FSIP2: variants seen among roughly 807,000 people sequenced by gnomAD.
The protein encoded by FSIP2 is fibrous sheath-interacting protein 2.
A neutral mutation model predicts 510.5 loss-of-function variants in FSIP2; 367 were observed. The observed-to-expected ratio is 0.72, with a 90% CI of 0.66 to 0.78. The LOEUF (loss-of-function observed/expected upper bound fraction) is 0.78. Among genes scored for constraint, FSIP2 ranks in the 30% least tolerant of loss-of-function variants. The pLI is 0.00. For missense variants in FSIP2, 7,594 were observed against 7,901.7 expected, an observed-to-expected ratio of 0.96 and a Z score of 1.48; for synonymous variants, 2,601 against 2,732.2, an observed-to-expected ratio of 0.95 and a Z score of 1.50.
rs1269420479 is a variant in FSIP2, at chr2:185,833,210, A to G, written c.20708A>G (p.His6903Arg). The G allele has an allele frequency of 6.2e-7, 1 of 1,607,862 alleles. No individual in the cohort carries two copies. Among genetic ancestry groups the G allele is most frequent in the Admixed American group, 1.7e-5 (1 of 59,362 alleles). ...TNISRSSSPA[H>R]QDEH ...ATTTCCAGATCTTCCTCACCAGCTC[A>G]CCAGGATGAACACTGAAGCTTTTGT... The change falls in exon 23 of 23, where the codon CAC (histidine) becomes CGC (arginine). Residue 6903 changes from histidine (H) to arginine (R), a missense_variant. Transcript: ENST00000424728.
rs1379895332 is a variant in FSIP2 at position 185,806,726 on chromosome 2, A to C, written c.17420A>C (p.Gln5807Pro). The change falls in exon 17 of 23, where the codon CAA (glutamine) becomes CCA (proline). Residue 5807 changes from glutamine (Q) to proline (P), a missense_variant. Coordinates refer to ENST00000424728, the MANE Select transcript of FSIP2 (RefSeq NM_173651.4). ...QLIFSSIPET[Q>P]IQDRCQNVSD... ...ATCTTTTCTTCTATACCAGAAACAC[A>C]AATACAAGATAGATGTCAAAATGTT... is the stretch of plus-strand genomic sequence containing the variant. The C allele has an allele frequency of 8.1e-6, 13 of 1,610,086 alleles. No homozygotes were observed. Among genetic ancestry groups the C allele is most frequent in the Non-Finnish European group, 1.1e-5 (13 of 1,178,230 alleles).
Position 185,804,432 on chromosome 2 carries a change from A to G in FSIP2, c.15126A>G (p.Ile5042Met), listed in dbSNP as rs1693512554. 6.6e-7 allele frequency: 1 copy of G among 1,512,946 alleles called. No homozygotes were observed. Among genetic ancestry groups the G allele is most frequent in the Non-Finnish European group, 8.8e-7 (1 of 1,132,660 alleles). 93.7% of individuals were successfully genotyped at this position (1,512,946 alleles called of 1,614,324 possible). Reference protein sequence around the residue: ...VLDQYKSLIQIHRVIQSDTIC... With the variant: ...VLDQYKSLIQMHRVIQSDTIC... ...ATCAATATAAATCTCTGATTCAAAT[A>G]CATAGGGTTATACAAAGTGACACAA... Residue 5042 changes from isoleucine (I) to methionine (M), a missense_variant, in exon 17 of 23, where the codon ATA becomes ATG. Transcript: ENST00000424728.
intron 13 of FSIP2, among the ~76,000 whole-genome samples, chr2:185,779,769 G>A (rs1692803065): frequency 1.3e-5 from 2 of 151,610 alleles, no homozygotes; most frequent in African/African-American, 2.4e-5. Flanking sequence ...ATACTTCTTG[G>A]GATTATTGCC....
In FSIP2 at chr2:185,792,028, A is replaced by G. The variant is rs1693143004; in HGVS notation, c.4892A>G (p.His1631Arg). ...AGCACCAATATTTCCAGAGACACAC[A>G]TGAAGCATCATTTCTGTCTGCTTTA... ...YESTNISRDT[H>R]EASFLSALYM... The change falls in exon 16 of 23, where the codon CAT becomes CGT. Residue 1631 changes from histidine (H) to arginine (R), a missense_variant. By Grantham distance (29) the His-to-Arg change is conservative (BLOSUM62 0). Coordinates refer to ENST00000424728, the MANE Select transcript of FSIP2 (RefSeq NM_173651.4). The G allele has an allele frequency of 2.0e-6, 3 of 1,533,984 alleles. No individual in the cohort carries two copies. The highest frequency in any genetic ancestry group is 2.6e-6 in the Non-Finnish European group (3 of 1,145,434).
intron 18 of FSIP2, 152 bp from the exon 19 acceptor site, chr2:185,815,219 T>G: frequency 2.1e-6 from 1 of 476,716 alleles, no homozygotes; most frequent in Non-Finnish European, 3.8e-6. Flanking sequence ...AAGACACCTT[T>G]TAATTAGAAT....
rs1420707549 is a variant in FSIP2 at position 185,833,097 on chromosome 2, C to T, written c.20595C>T (p.Pro6865=). 3.1e-6 allele frequency: 5 copies of T among 1,609,954 alleles called. No homozygotes were observed. In the South Asian group the frequency reaches 3.3e-5, roughly 11 times the overall value. ...NPSKEVISET[P]KPDVSKQGSK... ...TGTTTACTTTGTCCACAGAAACTCC[C>T]AAGCCCGATGTCTCCAAACAAGGAT... The change falls in exon 23 of 23, where the codon CCC becomes CCT. Residue 6865 remains proline, a synonymous_variant. Coordinates refer to ENST00000424728, the MANE Select transcript of FSIP2 (RefSeq NM_173651.4).
upstream of FSIP2, chr2:185,738,519 T>C (rs1202531408): frequency 7.9e-7 from 1 of 1,258,522 alleles, no homozygotes. Context: ...GAATTTTTAT[T>C]GAACGGAACA....
chr2:185,776,830 G>T (rs1559020362), intron 13 of FSIP2, among the ~76,000 whole-genome samples: 1 of 152,008 alleles, frequency 6.6e-6, no homozygotes, highest in Non-Finnish European at 1.5e-5. Flanking sequence ...CGCCTCCCGG[G>T]TTCAAGTGAC....
intron 13 of FSIP2, among the ~76,000 whole-genome samples, chr2:185,777,615 G>A (rs1692754442): frequency 6.6e-6 from 1 of 151,946 alleles, no homozygotes; most frequent in Non-Finnish European, 1.5e-5. Context: ...TATTAGTGGT[G>A]AATTTTGACT....
Position 185,808,594 on chromosome 2 carries a change from C to T in FSIP2, c.19288C>T (p.Leu6430=), listed in dbSNP as rs1284523866. Residue 6430 remains leucine (L), a synonymous_variant, in exon 17 of 23, where the codon CTG becomes TTG. Transcript: ENST00000424728. Reference sequence around the variant, plus strand: ...TGTCGATTCCGTTTATAGTAACATACTGCAACAATCAGGAACCAACAAAGA... The same window carrying T: ...TGTCGATTCCGTTTATAGTAACATATTGCAACAATCAGGAACCAACAAAGA... ...QVVDSVYSNI[L]QQSGTNKEFY... The T allele has an allele frequency of 1.0e-5, 16 of 1,607,844 alleles. No homozygotes were observed. The highest frequency in any genetic ancestry group is 1.4e-5 in the Non-Finnish European group (16 of 1,177,174).
intron 19 of FSIP2, among the ~76,000 whole-genome samples, chr2:185,817,069 T>TA (rs1194051669): frequency 6.6e-5 from 10 of 151,808 alleles, no homozygotes; most frequent in South Asian, 2.1e-4. Flanking sequence ...TCAAAATAGT[T>TA]AAAAAAAATC....
chr2:185,812,085 C>T (rs754909017), intron 17 of FSIP2, among the ~76,000 whole-genome samples: 2 of 152,120 alleles, frequency 1.3e-5, no homozygotes, highest in African/African-American at 4.8e-5. Flanking sequence ...AGTCTGCATT[C>T]TGCAGACCTC....
In FSIP2 at chr2:185,789,774, G is replaced by C. The variant is rs980284322; in HGVS notation, c.2638G>C (p.Ala880Pro). The C allele has an allele frequency of 6.5e-7, 1 of 1,534,266 alleles. No individual in the cohort carries two copies. Among genetic ancestry groups the C allele is most frequent in the Non-Finnish European group, 8.7e-7 (1 of 1,145,656 alleles). The change falls in exon 16 of 23, where the codon GCT becomes CCT. Residue 880 changes from alanine to proline, a missense_variant. By Grantham distance (27) the Ala-to-Pro change is conservative. Transcript: ENST00000424728. ...TAAATCTAGTCTTGAATCTGATGAA[G>C]CTAGTTTAATTGTCAATGAAGAAGT... is the stretch of plus-strand genomic sequence containing the variant. ...KNKSSLESDEASLIVNEEVQN... is the reference protein window; with the variant it reads ...KNKSSLESDEPSLIVNEEVQN...
At position 185,763,264 on chromosome 2, in the gene FSIP2, C is replaced by T. The variant is rs1162034189; in HGVS notation, c.1322C>T (p.Ala441Val). 6.7e-7 allele frequency: 1 copy of T among 1,495,690 alleles called. No homozygotes were observed. The highest frequency in any genetic ancestry group is 9.0e-7 in the Non-Finnish European group (1 of 1,110,666). The allele number at this position is 1,495,690 out of a possible 1,614,324, so 92.7% of individuals were successfully genotyped here. A position where few individuals can be genotyped will look rare whatever the true frequency, so the allele number is the denominator to read the frequency against. ...AGAAATTTTTCCAGAGTTTCACAGG[C>T]ATTTTTGGATCCTTCAAAAGAAGAG... Reference protein sequence around the residue: ...PTRNFSRVSQAFLDPSKEEKE... With the variant: ...PTRNFSRVSQVFLDPSKEEKE... The change falls in exon 12 of 23, where the codon GCA becomes GTA. Residue 441 changes from alanine (A) to valine (V), a missense_variant. Coordinates refer to ENST00000424728, the MANE Select transcript of FSIP2 (RefSeq NM_173651.4).
chr2:185,743,045 T>C (rs1691954441), intron 2 of FSIP2, 88 bp from the exon 3 acceptor site: 2 of 995,470 alleles, frequency 2.0e-6, no homozygotes, highest in Non-Finnish European at 1.4e-6. Context: ...TGGCACATTT[T>C]ATTTTCAATG....
intron 19 of FSIP2, among the ~76,000 whole-genome samples, chr2:185,822,574 TAGAA>T (rs1219625468): frequency 6.6e-6 from 1 of 151,880 alleles, no homozygotes; most frequent in African/African-American, 2.4e-5. Context: ...TGCAAAAAAG[TAGAA>T]AGACACCTCA....
chr2:185,813,700 A>G lies in FSIP2; in HGVS notation c.19983A>G (p.Arg6661=). 6.2e-7 allele frequency: 1 copy of G among 1,610,240 alleles called. No individual in the cohort carries two copies. Residue 6661 remains arginine (R), a synonymous_variant, in exon 18 of 23, where the codon CGA becomes CGG. Transcript: ENST00000424728. ...VYLENYIKEE[R]DSDEDEVVLT... ...TGGAAAATTACATAAAAGAGGAACG[A>G]GATTCTGATGAAGATGAAGTTGTTT... is the stretch of plus-strand genomic sequence containing the variant.
At chr2:185,811,005 G>A (rs774611181) in intron 17 of FSIP2, among the ~76,000 whole-genome samples, 6 of 152,006 alleles carry the variant, frequency 3.9e-5, no homozygotes, top group South Asian at 2.1e-4. Flanking sequence ...ACATGTGAGT[G>A]ATGACCTAGG....
Position 185,795,190 on chromosome 2 carries a change from G to C in FSIP2, c.8054G>C (p.Ser2685Thr), listed in dbSNP as rs545373150. ...ACAAAAAAAACACACTTAGGACTGA[G>C]TGCTGCTAAGGCCAAAAGCAAAACC... Reference protein sequence around the residue: ...KFTKKTHLGLSAAKAKSKTKL... With the variant: ...KFTKKTHLGLTAAKAKSKTKL... Residue 2685 changes from serine (S) to threonine (T), a missense_variant, in exon 16 of 23, where the codon AGT becomes ACT. By Grantham distance (58) the Ser-to-Thr change is moderately conservative. Coordinates refer to ENST00000424728, the MANE Select transcript of FSIP2 (RefSeq NM_173651.4). 90 of 1,534,836 alleles carry C rather than the reference G, an allele frequency of 5.9e-5. No homozygotes were observed. The South Asian group carries it at 1.0e-3, about 17-fold the overall frequency.
Sources: gnomAD v4.1 joint callset for allele counts (sites outside exome capture counted in the v4.1 genomes callset) on GRCh38, gnomAD v4.1.1 for gene constraint, MANE v1.5 for transcripts, NCBI Gene and HGNC (gene_info 2026-07-23, HGNC 2026-07-21) for gene names.